CA10: variants seen among roughly 807,000 people sequenced by gnomAD.
CA10 encodes carbonic anhydrase 10 (inactive).
Under a neutral mutation model 44.2 loss-of-function variants are expected in CA10, and 14 were observed. That is an observed-to-expected ratio of 0.32 (90% confidence interval 0.21 to 0.50). The LOEUF (loss-of-function observed/expected upper bound fraction) is 0.50, where lower values mean the gene tolerates loss of function less well. Ranked by LOEUF, CA10 falls within the 20% of genes least tolerant of loss-of-function variation. The pLI is 0.99. For missense variants in CA10, 350 were observed against 409.7 expected (o/e 0.85, Z 1.26); for synonymous variants, 159 against 141.6 (o/e 1.12, Z -0.87).
At chr17:51,731,560 C>G (rs941789866) in intron 4 of CA10, among the ~76,000 whole-genome samples, 5 of 148,290 alleles carry the variant, frequency 3.4e-5, no homozygotes, top group African/African-American at 9.9e-5. Context: ...TATTCTGTCC[C>G]TATGTTAGAC....
intron 1 of CA10, among the ~76,000 whole-genome samples, chr17:52,093,709 G>C (rs1988328890): frequency 6.6e-6 from 1 of 152,028 alleles, no homozygotes; most frequent in Non-Finnish European, 1.5e-5. Context: ...GAATGCAAGA[G>C]ACCAGTGCTC....
intron 2 of CA10, among the ~76,000 whole-genome samples, chr17:51,990,208 T>C (rs545819547): frequency 1.3e-5 from 2 of 152,236 alleles, no homozygotes; most frequent in South Asian, 4.1e-4. Flanking sequence ...TCATTTGTGT[T>C]TTCCTGCTAG....
intron 1 of CA10, among the ~76,000 whole-genome samples, chr17:52,124,201 C>A (rs1989071712): frequency 6.6e-6 from 1 of 152,196 alleles, no homozygotes; most frequent in African/African-American, 2.4e-5. Flanking sequence ...TCCTTCATCC[C>A]ATTTCCCACC....
intron 4 of CA10, among the ~76,000 whole-genome samples, chr17:51,697,375 C>T (rs1420769956): frequency 6.6e-6 from 1 of 152,206 alleles, no homozygotes; most frequent in African/African-American, 2.4e-5. Context: ...TGGGCAAGTG[C>T]CTGCCTCAGG....
rs192394097 is a variant in CA10 at position 51,783,895 on chromosome 17, A to G, written c.280-36077T>C. On this transcript the variant is annotated intron_variant, in intron 3 of 8. Transcript: ENST00000451037. ...GAGCAGACAGCACAGCAGTTCCCAT[A>G]CACAGCTGTGTAGGAGCAAGGCTGG... Among the ~76,000 whole-genome samples the G allele has an allele frequency of 3.9e-5, 6 of 152,244 alleles. No homozygotes were observed. The East Asian group carries it at 1.2e-3, about 29-fold the overall frequency.
At chr17:51,812,907 A>T (rs1017844090) in intron 3 of CA10, among the ~76,000 whole-genome samples, 17 of 152,180 alleles carry the variant, frequency 1.1e-4, no homozygotes, top group African/African-American at 3.9e-4. Flanking sequence ...CCATCTCCCA[A>T]ATAGCTCCCC....
chr17:52,036,550 C>G (rs1986623527), intron 2 of CA10, among the ~76,000 whole-genome samples: 1 of 152,120 alleles, frequency 6.6e-6, no homozygotes. Flanking sequence ...GAAAAATAGG[C>G]AGGTGAGGGG....
chr17:51,792,198 C>T (rs1906548318), intron 3 of CA10, among the ~76,000 whole-genome samples: 2 of 152,134 alleles, frequency 1.3e-5, no homozygotes, highest in South Asian at 4.1e-4. Context: ...CATACAGAGG[C>T]TAAGCAACTT....
At chr17:51,845,643 T>C (rs374910043) in intron 3 of CA10, among the ~76,000 whole-genome samples, 1 of 152,202 alleles carries the variant, frequency 6.6e-6, no homozygotes, top group African/African-American at 2.4e-5. Flanking sequence ...CAAAATGCAC[T>C]CAGCATTGAA....
chr17:52,126,814 C>T lies in CA10; in HGVS notation c.61+30912G>A, dbSNP rs547079153. 9.5e-4 allele frequency among the ~76,000 whole-genome samples: 144 copies of T among 152,240 alleles called. 3 individuals are homozygous for T. The South Asian group carries it at 0.028, about 30-fold the overall frequency. On this transcript the variant is annotated intron_variant, in intron 1 of 8. Coordinates refer to ENST00000451037, the MANE Select transcript of CA10 (RefSeq NM_020178.5). The stretch of plus-strand genomic sequence containing the variant: ...CTGTTTGCAAAATTTCAAAAAATTG[C>T]AGCATACTTTATGTAGCTTTATAAA...
chr17:52,129,915 A>G (rs1369668916), intron 1 of CA10, among the ~76,000 whole-genome samples: 1 of 152,220 alleles, frequency 6.6e-6, no homozygotes, highest in Non-Finnish European at 1.5e-5. Flanking sequence ...CAGATATTTG[A>G]TAAGGGGTTA....
intron 3 of CA10, chr17:51,761,401 A>G (rs1473970795): frequency 2.0e-5 from 3 of 152,220 alleles, no homozygotes; most frequent in Admixed American, 6.5e-5. Flanking sequence ...AGGAATACAT[A>G]ATGTGTCCCA....
chr17:51,650,764 A>G (rs1913534006), intron 5 of CA10, among the ~76,000 whole-genome samples: 2 of 152,148 alleles, frequency 1.3e-5, no homozygotes, highest in East Asian at 1.9e-4. Flanking sequence ...GGGTGCCTTG[A>G]GCTCCTGGTA....
chr17:51,911,005 G>T (rs960419115), intron 3 of CA10, among the ~76,000 whole-genome samples: 1 of 152,158 alleles, frequency 6.6e-6, no homozygotes, highest in Non-Finnish European at 1.5e-5. Context: ...AAGAATGTGG[G>T]TGGAAGACAT....
chr17:51,783,340 A>G (rs1307534276), intron 3 of CA10, among the ~76,000 whole-genome samples: 1 of 152,212 alleles, frequency 6.6e-6, no homozygotes, highest in Non-Finnish European at 1.5e-5. Flanking sequence ...GGGTACTCTG[A>G]TTAATGAATT....
At chr17:51,660,723 A>ATGCTATCACCTTACCCC (rs1398200955) in intron 4 of CA10, among the ~76,000 whole-genome samples, 1 of 152,186 alleles carries the variant, frequency 6.6e-6, no homozygotes, top group Non-Finnish European at 1.5e-5. Flanking sequence ...CACAGTGACA[A>ATGCTATCACCTTACCCC]TGCTATCACC....
intron 2 of CA10, among the ~76,000 whole-genome samples, chr17:52,067,893 C>T (rs1226827690): frequency 6.6e-6 from 1 of 152,202 alleles, no homozygotes; most frequent in Non-Finnish European, 1.5e-5. Flanking sequence ...GCATTGTATC[C>T]AGGAAGTAAC....
At chr17:51,987,951 T>C (rs1984902406) in intron 2 of CA10, among the ~76,000 whole-genome samples, 1 of 151,938 alleles carries the variant, frequency 6.6e-6, no homozygotes, top group African/African-American at 2.4e-5. Flanking sequence ...AAAGAATAAA[T>C]GGTAAAATAA....
At chr17:52,143,514 T>TA (rs1351460419) in intron 1 of CA10, among the ~76,000 whole-genome samples, 5 of 152,118 alleles carry the variant, frequency 3.3e-5, no homozygotes, top group African/African-American at 1.2e-4. Flanking sequence ...ATGTTCTTTT[T>TA]AAAAAAAGAG....
Sources: gnomAD v4.1 joint callset for allele counts (sites outside exome capture counted in the v4.1 genomes callset) on GRCh38, gnomAD v4.1.1 for gene constraint, MANE v1.5 for transcripts, NCBI Gene and HGNC (gene_info 2026-07-23, HGNC 2026-07-21) for gene names.